The following POLRMT variants were observed in gnomAD, a reference collection of about 807,000 sequenced individuals.
POLRMT encodes the protein DNA-directed RNA polymerase, mitochondrial.
In POLRMT, 114 loss-of-function variants were observed where a neutral mutation model predicts 132.2. The observed-to-expected ratio is 0.86, with a 90% CI of 0.74 to 1.01. POLRMT has a LOEUF of 1.01. Ranked by LOEUF, POLRMT falls within the 50% of genes least tolerant of loss-of-function variation. POLRMT has a pLI of 0.00. For synonymous variants in POLRMT, 1,020 were observed against 773.4 expected, an observed-to-expected ratio of 1.32 and a Z score of -5.29; for missense variants, 2,003 against 1,729.1, an observed-to-expected ratio of 1.16 and a Z score of -2.81.
At chr19:617,344 A>T (rs1568372329) in intron 20 of POLRMT, 21 bp from the exon 21 acceptor site, 2 of 1,612,650 alleles carry the variant, frequency 1.2e-6, no homozygotes, top group East Asian at 2.2e-5. Flanking sequence ...AGCAGAGCGG[A>T]CGGCGTGGGT....
At position 623,085 on chromosome 19, in the gene POLRMT, C is replaced by T. The variant is rs533474404; in HGVS notation, c.1291-100G>A. 2.4e-5 allele frequency: 33 copies of T among 1,362,430 alleles called. No homozygotes were observed. In the Middle Eastern group the frequency reaches 2.3e-3, roughly 96 times the overall value. 84.4% of individuals were successfully genotyped at this position (1,362,430 alleles called of 1,614,324 possible). A position where few individuals can be genotyped will look rare whatever the true frequency, so the allele number is the denominator to read the frequency against. ...CAGCTCCCTGCAGAGACCTCATGGCCCTCAAGGTCCCTGCTGTGTGTTCCG... is the reference window on the plus strand; with the variant it reads ...CAGCTCCCTGCAGAGACCTCATGGCTCTCAAGGTCCCTGCTGTGTGTTCCG... On this transcript the variant is annotated intron_variant, in intron 6 of 20. Transcript: ENST00000588649.
intron 4 of POLRMT, 94 bp downstream of exon 4, chr19:625,030 G>A (rs1345904859): frequency 6.6e-7 from 1 of 1,523,024 alleles, no homozygotes; most frequent in South Asian, 1.3e-5. Flanking sequence ...CAGGCCCTCT[G>A]GGGGTCCCCA....
chr19:627,148 A>AT (rs869110035), intron 3 of POLRMT, among the ~76,000 whole-genome samples: 9,122 of 119,630 alleles, frequency 0.076, 652 homozygotes, highest in South Asian at 0.18. Flanking sequence ...GTTTTGGGGC[A>AT]TTTTTTTTTT....
chr19:628,820 C>G (rs1457310471), intron 3 of POLRMT, among the ~76,000 whole-genome samples: 1 of 151,976 alleles, frequency 6.6e-6, no homozygotes, highest in Non-Finnish European at 1.5e-5. Flanking sequence ...TTGGCCAACA[C>G]GGTGAAACCC....
rs1444242516 is a variant in POLRMT at position 633,410 on chromosome 19, C to A, written c.88+15G>T. ...CGTGGCCCCCGGGCTGCCTGGCCGT[C>A]TCCCTTTGTGTTACCTTCTTTGCCG... is the stretch of plus-strand genomic sequence containing the variant. On this transcript the variant is annotated intron_variant, in intron 1 of 20. Coordinates refer to ENST00000588649, the MANE Select transcript of POLRMT (RefSeq NM_005035.4). 3 of 1,514,928 alleles carry A rather than the reference C, an allele frequency of 2.0e-6. No individual in the cohort carries two copies. Among genetic ancestry groups the A allele is most frequent in the Non-Finnish European group, 2.7e-6 (3 of 1,128,670 alleles). 93.8% of individuals were successfully genotyped at this position (1,514,928 alleles called of 1,614,324 possible).
intron 3 of POLRMT, 52 bp from the exon 4 acceptor site, chr19:625,306 T>G (rs752970099): frequency 1.2e-6 from 2 of 1,603,430 alleles, no homozygotes; most frequent in African/African-American, 2.7e-5. Flanking sequence ...AACCTCCACA[T>G]CCTCCCTGCT....
chr19:619,499 G>A lies in POLRMT; in HGVS notation c.3066+87C>T, dbSNP rs1297680272. Reference sequence around the variant, plus strand: ...GTCTGGGGGAGCAGCCAGGGCTCCTGCTGGGAGGCTGGGTCGGGGGCACAC... The same window carrying A: ...GTCTGGGGGAGCAGCCAGGGCTCCTACTGGGAGGCTGGGTCGGGGGCACAC... On this transcript the variant is annotated intron_variant, in intron 13 of 20. Coordinates refer to ENST00000588649, the MANE Select transcript of POLRMT (RefSeq NM_005035.4). 6 of 1,537,222 alleles carry A rather than the reference G, an allele frequency of 3.9e-6. No individual in the cohort carries two copies. In the African/African-American group the frequency reaches 6.8e-5, roughly 17 times the overall value.
At chr19:628,772 A>C (rs1336528962) in intron 3 of POLRMT, among the ~76,000 whole-genome samples, 1 of 152,106 alleles carries the variant, frequency 6.6e-6, no homozygotes, top group Non-Finnish European at 1.5e-5. Flanking sequence ...CGGGAGGCTC[A>C]GGGGGGCAGA....
At chr19:632,615 G>A (rs186633323) in intron 2 of POLRMT, among the ~76,000 whole-genome samples, 1 of 152,168 alleles carries the variant, frequency 6.6e-6, no homozygotes, top group African/African-American at 2.4e-5. Flanking sequence ...GGGGTTCTGG[G>A]GAGGGGGAAT....
At chr19:620,198 C>G (rs541768498) in intron 11 of POLRMT, 118 bp from the exon 12 acceptor site, 7 of 1,473,268 alleles carry the variant, frequency 4.8e-6, no homozygotes, top group Non-Finnish European at 5.4e-6. Flanking sequence ...CCAAGTGCAC[C>G]GGAGCCCCCG....
At chr19:618,455 C>T (rs372925686) in intron 17 of POLRMT, 33 bp downstream of exon 17, 21 of 1,517,478 alleles carry the variant, frequency 1.4e-5, no homozygotes, top group East Asian at 9.1e-5. Context: ...CCCTGGGAGG[C>T]GAGCGGCACC....
chr19:625,417 G>A, intron 3 of POLRMT, 163 bp from the exon 4 acceptor site: 1 of 904,308 alleles, frequency 1.1e-6, no homozygotes, highest in Non-Finnish European at 1.6e-6. Flanking sequence ...CTGAGGTTCT[G>A]ACACACAAGC....
chr19:618,571 A>G lies in POLRMT; in HGVS notation c.3339T>C (p.Arg1113=), dbSNP rs1316314518. ...TGGGCGGGAAGCCGTTCTTCTGCTT[A>G]CGTGTGTTGGGCTTTCTGAGGACGG... ...NGDISRKPNT[R]KQKNGFPPNF... Residue 1113 remains arginine, a synonymous_variant, in exon 17 of 21, where the codon CGT becomes CGC. Transcript: ENST00000588649. 2.7e-5 allele frequency: 43 copies of G among 1,612,982 alleles called. No homozygotes were observed. In the South Asian group the frequency reaches 4.6e-4, roughly 17 times the overall value.
In POLRMT at chr19:622,313, G is replaced by A; in HGVS notation, c.1687C>T (p.Arg563Trp). 27 of 1,564,586 alleles carry A rather than the reference G, an allele frequency of 1.7e-5. No individual in the cohort carries two copies. The highest frequency in any genetic ancestry group is 1.8e-4 in the Middle Eastern group (1 of 5,436). Residue 563 changes from arginine (R) to tryptophan (W), a missense_variant, in exon 9 of 21, where the codon CGG becomes TGG. By Grantham distance (101) the Arg-to-Trp change is moderately radical. Transcript: ENST00000588649. ...WEELGAPEALREQPWPLPVQM... is the reference protein window; with the variant it reads ...WEELGAPEALWEQPWPLPVQM... ...ACTGGCAGGGGCCAGGGCTGCTCCC[G>A]CAGGGCCTCGGGCGCCCCCAGCTCC...
rs780747692 is a variant in POLRMT, at chr19:619,613, G to A, written c.3039C>T (p.Arg1013=). 14 of 1,610,944 alleles carry A rather than the reference G, an allele frequency of 8.7e-6. No homozygotes were observed. The highest frequency in any genetic ancestry group is 2.7e-5 in the African/African-American group (2 of 74,840). The change falls in exon 13 of 21, where the codon CGC becomes CGT. Residue 1013 remains arginine, a synonymous_variant. Coordinates refer to ENST00000588649, the MANE Select transcript of POLRMT (RefSeq NM_005035.4). The part of the protein sequence containing the change: ...RYGGRLQIEK[R]LRELSDFPQE... ...GGGGAAAGTCGCTCAGCTCCCGGAG[G>A]CGCTTCTCAATCTGCAGGCGCCCGC...
intron 2 of POLRMT, 89 bp downstream of exon 2, chr19:632,744 AG>A (rs1985515092): frequency 8.6e-7 from 1 of 1,163,314 alleles, no homozygotes; most frequent in Admixed American, 2.5e-5. Flanking sequence ...GACCGCCCTC[AG>A]CCTGTCTCAG....
rs1198840307 is a variant in POLRMT at position 621,453 on chromosome 19, T to G, written c.2245A>C (p.Ser749Arg). 2.2e-6 allele frequency: 3 copies of G among 1,388,708 alleles called. No individual in the cohort carries two copies. Among genetic ancestry groups the G allele is most frequent in the African/African-American group, 1.6e-5 (1 of 63,716 alleles). 86.0% of individuals were successfully genotyped at this position (1,388,708 alleles called of 1,614,324 possible). A position where few individuals can be genotyped will look rare whatever the true frequency, so the allele number is the denominator to read the frequency against. ...TCGGCCTTGCGGGCGGGCGCGGCGCTGTGCGGCAGGTGGGCCTCGGGCGGC... is the reference window on the plus strand; with the variant it reads ...TCGGCCTTGCGGGCGGGCGCGGCGCGGTGCGGCAGGTGGGCCTCGGGCGGC... The part of the protein sequence containing the change: ...PQPPEAHLPH[S>R]AAPARKAELR... Residue 749 changes from serine (S) to arginine (R), a missense_variant, in exon 10 of 21, where the codon AGC becomes CGC. Coordinates refer to ENST00000588649, the MANE Select transcript of POLRMT (RefSeq NM_005035.4).
chr19:622,078 G>C, intron 9 of POLRMT, 71 bp downstream of exon 9: 1 of 1,389,744 alleles, frequency 7.2e-7, no homozygotes. Flanking sequence ...CCGCCCAAAG[G>C]CGCCAACCCC....
chr19:618,579 T>C lies in POLRMT; in HGVS notation c.3331A>G (p.Asn1111Asp). 2 of 1,612,532 alleles carry C rather than the reference T, an allele frequency of 1.2e-6. No homozygotes were observed. ...AAGCCGTTCTTCTGCTTACGTGTGT[T>C]GGGCTTTCTGAGGACGGAACAGGTG... ...THNGDISRKPNTRKQKNGFPP... is the reference protein window; with the variant it reads ...THNGDISRKPDTRKQKNGFPP... Residue 1111 changes from asparagine to aspartate, a missense_variant, in exon 17 of 21, where the codon AAC becomes GAC. Coordinates refer to ENST00000588649, the MANE Select transcript of POLRMT (RefSeq NM_005035.4).
Sources: gnomAD v4.1 joint callset for allele counts (sites outside exome capture counted in the v4.1 genomes callset) on GRCh38, gnomAD v4.1.1 for gene constraint, MANE v1.5 for transcripts, NCBI Gene and HGNC (gene_info 2026-07-23, HGNC 2026-07-21) for gene names.